Variants in SYMPK observed in about 807,000 individuals in gnomAD.
SYMPK encodes symplekin scaffold protein, also known as symplekin.
A neutral mutation model predicts 136.4 loss-of-function variants in SYMPK; 49 were observed. The ratio of observed to expected loss-of-function variants is 0.36; its 90% CI spans 0.29 to 0.46. SYMPK has a LOEUF of 0.46. SYMPK is among the 20% of genes least tolerant of loss of function. SYMPK has a pLI of 1.00. For synonymous variants in SYMPK, 766 were observed against 713.0 expected (o/e 1.07, Z -1.19); for missense variants, 1,365 against 1,690.0 (o/e 0.81, Z 3.37).
intron 5 of SYMPK, among the ~76,000 whole-genome samples, chr19:45,850,665 T>C (rs935897786): frequency 1.3e-5 from 2 of 152,184 alleles, no homozygotes; most frequent in Admixed American, 1.3e-4. Context: ...GTGACTGTTA[T>C]GTTCAACTCA....
At chr19:45,827,233 G>A (rs1971062536) in intron 16 of SYMPK, among the ~76,000 whole-genome samples, 1 of 152,250 alleles carries the variant, frequency 6.6e-6, no homozygotes, top group Admixed American at 6.5e-5. Context: ...GACTAAGAGC[G>A]AGAGTGGGAC....
chr19:45,830,325 C>A, intron 12 of SYMPK, 121 bp from the exon 13 acceptor site: 1 of 1,114,724 alleles, frequency 9.0e-7, no homozygotes, highest in South Asian at 1.5e-5. Context: ...CCCCTGCTGC[C>A]TCTCCAGTTC....
chr19:45,829,909 T>G, intron 13 of SYMPK, 145 bp downstream of exon 13: 1 of 894,202 alleles, frequency 1.1e-6, no homozygotes, highest in Admixed American at 2.9e-5. Context: ...AGGATGGGAG[T>G]GATCTGGAGA....
intron 22 of SYMPK, 36 bp from the exon 23 acceptor site, chr19:45,818,182 C>A: frequency 6.7e-7 from 1 of 1,494,072 alleles, no homozygotes; most frequent in South Asian, 1.3e-5. Flanking sequence ...GTCCTCTCTG[C>A]CCAGCTGCCC....
chr19:45,847,768 G>A lies in SYMPK; in HGVS notation c.660C>T (p.His220=). Residue 220 remains histidine, a synonymous_variant, in exon 7 of 27, where the codon CAC becomes CAT. Transcript: ENST00000245934. The part of the protein sequence containing the change: ...DISLDRIPRD[H]PYIQYNVLWE... ...AGTACTCACTGTACTGGATGTAGGG[G>A]TGGTCACGAGGGATGCGGTCCAGGC... 6.2e-7 allele frequency: 1 copy of A among 1,613,780 alleles called. No individual in the cohort carries two copies.
Position 45,816,042 on chromosome 19 carries a change from C to G in SYMPK, c.3496G>C (p.Ala1166Pro). ...GGAGAGGGGGAGGAAGAGGAGGGGG[C>G]TCCCACTCCTCCCGGCTTCAGCTTC... The part of the protein sequence containing the change: ...EQKLKPGGVG[A>P]PSSSSPSPSP... Residue 1166 changes from alanine (A) to proline (P), a missense_variant, in exon 26 of 27, where the codon GCC becomes CCC. Transcript: ENST00000245934. 1 of 1,570,486 alleles carries G rather than the reference C, an allele frequency of 6.4e-7. No individual in the cohort carries two copies. Among genetic ancestry groups the G allele is most frequent in the Non-Finnish European group, 8.6e-7 (1 of 1,157,260 alleles).
chr19:45,856,690 A>C (rs1332467576), intron 1 of SYMPK, among the ~76,000 whole-genome samples: 1 of 152,076 alleles, frequency 6.6e-6, no homozygotes, highest in Admixed American at 6.6e-5. Flanking sequence ...TAATTTGGCC[A>C]GCTCACGCCT....
rs767017261 is a variant in SYMPK at position 45,816,031 on chromosome 19, A to G, written c.3507T>C (p.Ser1169=). 1.9e-6 allele frequency: 3 copies of G among 1,584,976 alleles called. No homozygotes were observed. The highest frequency in any genetic ancestry group is 1.3e-5 in the African/African-American group (1 of 74,538). The change falls in exon 26 of 27, where the codon TCT becomes TCC. Residue 1169 remains serine, a synonymous_variant. Transcript: ENST00000245934. ...CCGACGGAGAGGGAGAGGGGGAGGA[A>G]GAGGAGGGGGCTCCCACTCCTCCCG... is the stretch of plus-strand genomic sequence containing the variant. ...LKPGGVGAPS[S]SSPSPSPSAR...
At chr19:45,816,697 G>A in intron 24 of SYMPK, 101 bp downstream of exon 24, 1 of 1,505,526 alleles carries the variant, frequency 6.6e-7, no homozygotes, top group Non-Finnish European at 8.9e-7. Context: ...GCCTTCTTGT[G>A]TCCGCCTCCA....
rs1970786085 is a variant in SYMPK, at chr19:45,817,690, CGGT to C, written c.3081+266_3081+268del. On this transcript the variant is annotated intron_variant, in intron 23 of 26. Coordinates refer to ENST00000245934, the MANE Select transcript of SYMPK (RefSeq NM_004819.3). ...GGATGCATCCTGGCCGGGCACACAG[CGGT>C]GGAGGGTGAGGAGCAGCCATGCCTC... 6.6e-5 allele frequency among the ~76,000 whole-genome samples: 10 copies of C among 152,292 alleles called. 1 individual carries two copies. In the South Asian group the frequency reaches 2.1e-3, roughly 32 times the overall value.
chr19:45,825,306 C>T lies in SYMPK; in HGVS notation c.2355G>A (p.Glu785=), dbSNP rs369192798. 1 of 1,614,022 alleles carries T rather than the reference C, an allele frequency of 6.2e-7. No homozygotes were observed. Among genetic ancestry groups the T allele is most frequent in the Non-Finnish European group, 8.5e-7 (1 of 1,179,960 alleles). Residue 785 remains glutamate (E), a synonymous_variant, in exon 18 of 27, where the codon GAG becomes GAA. Coordinates refer to ENST00000245934, the MANE Select transcript of SYMPK (RefSeq NM_004819.3). ...AGAGGTACAGACACTGCTTCACTGTCTCCTCCGTCCAGGGTGCTGCCACCT... is the reference window on the plus strand; with the variant it reads ...AGAGGTACAGACACTGCTTCACTGTTTCCTCCGTCCAGGGTGCTGCCACCT... ...DTEVAAPWTE[E]TVKQCLYLYL...
chr19:45,825,704 A>T (rs1472619013), intron 17 of SYMPK, among the ~76,000 whole-genome samples: 15 of 151,998 alleles, frequency 9.9e-5, no homozygotes, highest in Admixed American at 9.8e-4. Context: ...GCTGCCCTCC[A>T]TGTTGGTCAC....
intron 7 of SYMPK, among the ~76,000 whole-genome samples, chr19:45,845,530 CCTT>C (rs1460301891): frequency 2.6e-5 from 4 of 152,116 alleles, no homozygotes; most frequent in South Asian, 2.1e-4. Flanking sequence ...GACAGGATCT[CCTT>C]CTTTTTTATG....
At chr19:45,824,036 A>C (rs1970976003) in intron 18 of SYMPK, 161 bp from the exon 19 acceptor site, 1 of 497,268 alleles carries the variant, frequency 2.0e-6, no homozygotes, top group Non-Finnish European at 3.7e-6. Context: ...CAGGAGAGTC[A>C]GAAGAACCTT....
chr19:45,821,320 T>A lies in SYMPK; in HGVS notation c.2893+64A>T. ...GCAGATTCCAGTGGGGGCATGTGGGTGACTGAGGTCCTGCCCTGGCGTCGC... is the reference window on the plus strand; with the variant it reads ...GCAGATTCCAGTGGGGGCATGTGGGAGACTGAGGTCCTGCCCTGGCGTCGC... On this transcript the variant is annotated intron_variant, in intron 22 of 26. Transcript: ENST00000245934. This position sits in a 1 kb window ranked among gnomAD's most constrained non-coding sequence, Gnocchi z 4.4. The A allele has an allele frequency of 8.2e-7, 1 of 1,223,758 alleles. No homozygotes were observed. The highest frequency in any genetic ancestry group is 1.2e-6 in the Non-Finnish European group (1 of 828,946). 75.8% of individuals were successfully genotyped at this position (1,223,758 alleles called of 1,614,324 possible).
In SYMPK at chr19:45,816,589, G is replaced by A. The variant is rs758241936; in HGVS notation, c.3259-12C>T. On this transcript the variant is annotated splice_polypyrimidine_tract_variant and intron_variant, in intron 24 of 26. Transcript: ENST00000245934. ...GGGATGTGAGCTTGCTGGGTGGAGAGCAGGAAGGGGGCGCTGGGGGCAGCT... is the reference window on the plus strand; with the variant it reads ...GGGATGTGAGCTTGCTGGGTGGAGAACAGGAAGGGGGCGCTGGGGGCAGCT... 1.2e-6 allele frequency: 2 copies of A among 1,613,282 alleles called. No individual in the cohort carries two copies. The highest frequency in any genetic ancestry group is 1.7e-6 in the Non-Finnish European group (2 of 1,179,958).
intron 12 of SYMPK, 43 bp from the exon 13 acceptor site, chr19:45,830,247 C>T (rs997469499): frequency 4.4e-6 from 7 of 1,580,102 alleles, no homozygotes; most frequent in Non-Finnish European, 5.2e-6. Flanking sequence ...ACCCAGACTG[C>T]AGCAAAGGCC....
In SYMPK at chr19:45,852,303, G is replaced by A. The variant is rs755187133; in HGVS notation, c.299+9C>T. 1.2e-6 allele frequency: 2 copies of A among 1,614,148 alleles called. No individual in the cohort carries two copies. Among genetic ancestry groups the A allele is most frequent in the Admixed American group, 1.7e-5 (1 of 60,018 alleles). On this transcript the variant is annotated intron_variant, in intron 5 of 26. Coordinates refer to ENST00000245934, the MANE Select transcript of SYMPK (RefSeq NM_004819.3). ...GAATGCTCCCGGGGCTCCGTGCCTCGCCCCATACCATGCCTCCTCGATGAA... is the reference window on the plus strand; with the variant it reads ...GAATGCTCCCGGGGCTCCGTGCCTCACCCCATACCATGCCTCCTCGATGAA...
At chr19:45,816,770 A>G in intron 24 of SYMPK, 28 bp downstream of exon 24, 2 of 1,503,400 alleles carry the variant, frequency 1.3e-6, no homozygotes, top group East Asian at 2.5e-5. Context: ...GGTGGGGGGA[A>G]AGGGTACCTG....
Sources: gnomAD v4.1 joint callset for allele counts (sites outside exome capture counted in the v4.1 genomes callset) on GRCh38, gnomAD v4.1.1 for gene constraint, Gnocchi (gnomAD v3.1) non-coding constraint, MANE v1.5 for transcripts, NCBI Gene and HGNC (gene_info 2026-07-23, HGNC 2026-07-21) for gene names.